The following TNRC6C variants were observed in gnomAD, a reference collection of about 807,000 sequenced individuals.
The protein encoded by TNRC6C is trinucleotide repeat-containing gene 6C protein.
Under a neutral mutation model 153.7 loss-of-function variants are expected in TNRC6C, and 20 were observed. That is an observed-to-expected ratio of 0.13 (90% CI 0.09 to 0.19). TNRC6C has a LOEUF of 0.19. TNRC6C is among the 10% of genes least tolerant of loss of function. The pLI is 1.00. For synonymous variants in TNRC6C, 811 were observed against 841.4 expected, an observed-to-expected ratio of 0.96 and a Z score of 0.63; for missense variants, 1,987 against 2,172.0, an observed-to-expected ratio of 0.91 and a Z score of 1.69.
At chr17:78,064,781 G>A (rs778687507) in exon 4 of TNRC6C, 2 of 1,613,846 alleles carry the variant, frequency 1.2e-6, no homozygotes, top group South Asian at 1.1e-5. Flanking sequence ...CTCTTGGGGA[G>A]AACCATCCTC....
intron 1 of TNRC6C, among the ~76,000 whole-genome samples, chr17:78,018,384 C>T (rs2071769660): frequency 6.6e-6 from 1 of 152,210 alleles, no homozygotes; most frequent in Non-Finnish European, 1.5e-5. Context: ...CCGCCTCGGC[C>T]TCCCAAAGTG....
chr17:77,975,015 A>AT (rs1417968853), intron 1 of TNRC6C, among the ~76,000 whole-genome samples: 1 of 109,484 alleles, frequency 9.1e-6, no homozygotes, highest in Non-Finnish European at 1.7e-5. Flanking sequence ...AATCAAAGAA[A>AT]GAAATAAGCC....
intron 1 of TNRC6C, among the ~76,000 whole-genome samples, chr17:78,010,471 T>C (rs2071606908): frequency 6.6e-6 from 1 of 152,200 alleles, no homozygotes; most frequent in Non-Finnish European, 1.5e-5. Context: ...ATAGCATATC[T>C]TCCCAATTTT....
intron 3 of TNRC6C, among the ~76,000 whole-genome samples, chr17:78,053,818 G>T (rs867888753): frequency 6.6e-6 from 1 of 152,068 alleles, no homozygotes; most frequent in Non-Finnish European, 1.5e-5. Flanking sequence ...GATGGCTTGA[G>T]CCCAGGAGTT....
At chr17:78,048,153 AT>A (rs61356080) in intron 2 of TNRC6C, among the ~76,000 whole-genome samples, 15,753 of 147,556 alleles carry the variant, frequency 0.11, 1,837 homozygotes, top group African/African-American at 0.3. Flanking sequence ...TGAGCTACAG[AT>A]TTTTTTTTTT....
At chr17:78,070,675 C>G (rs373876825) in intron 5 of TNRC6C, among the ~76,000 whole-genome samples, 2 of 152,012 alleles carry the variant, frequency 1.3e-5, no homozygotes, top group South Asian at 4.2e-4. Context: ...TGGAATAAAC[C>G]CCCTCATTTT....
chr17:78,068,265 C>T (rs986363180), intron 5 of TNRC6C, among the ~76,000 whole-genome samples: 3 of 152,308 alleles, frequency 2.0e-5, no homozygotes, highest in South Asian at 2.1e-4. Context: ...ACAGTGCCAC[C>T]CTTCTCATGA....
chr17:78,067,361 CA>C (rs1024897254), intron 4 of TNRC6C, among the ~76,000 whole-genome samples: 23 of 152,046 alleles, frequency 1.5e-4, no homozygotes, highest in Non-Finnish European at 2.8e-4. Flanking sequence ...AAAAAACCTA[CA>C]AATTTTAAAA....
chr17:78,044,658 C>G (rs936500543), intron 2 of TNRC6C, among the ~76,000 whole-genome samples: 1 of 152,322 alleles, frequency 6.6e-6, no homozygotes, highest in East Asian at 1.9e-4. Flanking sequence ...CACATCTGGC[C>G]CATCACCTAT....
intron 1 of TNRC6C, among the ~76,000 whole-genome samples, chr17:78,025,176 A>G (rs549543243): frequency 2.1e-4 from 32 of 152,274 alleles, no homozygotes; most frequent in African/African-American, 7.2e-4. Flanking sequence ...CATGCACAGT[A>G]TTGTGTATCT....
chr17:77,959,803 C>T (rs972084803), intron 1 of TNRC6C, among the ~76,000 whole-genome samples: 9 of 152,136 alleles, frequency 5.9e-5, no homozygotes, highest in African/African-American at 2.2e-4. Flanking sequence ...GAAAACGAGC[C>T]GTACAACATC....
chr17:78,066,235 A>AG (rs2072875243), intron 4 of TNRC6C: 1 of 152,132 alleles, frequency 6.6e-6, no homozygotes, highest in Non-Finnish European at 1.5e-5. Context: ...TCAAAAAAAA[A>AG]AAAAAAAATT....
chr17:78,078,003 A>T (rs1256568016), intron 9 of TNRC6C, among the ~76,000 whole-genome samples: 1 of 152,112 alleles, frequency 6.6e-6, no homozygotes, highest in Admixed American at 6.5e-5. Flanking sequence ...TTTCTTAGGG[A>T]TGAGGTTGAC....
chr17:78,097,144 G>T (rs2073501992), intron 16 of TNRC6C, among the ~76,000 whole-genome samples: 1 of 152,194 alleles, frequency 6.6e-6, no homozygotes, highest in Admixed American at 6.5e-5. Context: ...AGCCCAGGAG[G>T]TTGAGGCTGC....
intron 1 of TNRC6C, among the ~76,000 whole-genome samples, chr17:78,010,011 G>A (rs966796839): frequency 3.9e-5 from 6 of 152,030 alleles, no homozygotes; most frequent in African/African-American, 1.4e-4. Flanking sequence ...AGCCTCCCAA[G>A]TAGCTGACTA....
At chr17:78,003,040 T>C (rs1254083112), upstream of TNRC6C, among the ~76,000 whole-genome samples, 1 of 152,158 alleles carries the variant, frequency 6.6e-6, no homozygotes, top group Admixed American at 6.5e-5. Context: ...TGCGGGATAG[T>C]GGCATCTAAA....
At chr17:78,059,229 C>T (rs553896997) in intron 3 of TNRC6C, among the ~76,000 whole-genome samples, 1 of 152,310 alleles carries the variant, frequency 6.6e-6, no homozygotes, top group African/African-American at 2.4e-5. Flanking sequence ...TCCCATTGAC[C>T]TCTGCAGCCA....
rs747002962 is a variant in TNRC6C at position 78,093,742 on chromosome 17, C to T, written c.4285C>T (p.Arg1429Cys). 6 of 1,613,806 alleles carry T rather than the reference C, an allele frequency of 3.7e-6. No homozygotes were observed. Among genetic ancestry groups the T allele is most frequent in the East Asian group, 2.2e-5 (1 of 44,894 alleles). The change falls in exon 16 of 20, where the codon CGC becomes TGC. Residue 1429 changes from arginine (R) to cysteine (C), a missense_variant. Physicochemically the swap from Arg to Cys is radical, Grantham distance 180 (BLOSUM62 -3). Transcript: ENST00000301624. Reference sequence around the variant, plus strand: ...CAACACCACCATCCAGGATGTCAACCGCTACCTCCTCAAGAGTGGAGGTGA... The same window carrying T: ...CAACACCACCATCCAGGATGTCAACTGCTACCTCCTCAAGAGTGGAGGTGA...
chr17:78,026,226 T>C (rs538718896), intron 1 of TNRC6C, among the ~76,000 whole-genome samples: 1 of 152,354 alleles, frequency 6.6e-6, no homozygotes, highest in African/African-American at 2.4e-5. Context: ...TATGCTGCCA[T>C]AATTTACAGC....
Sources: allele counts gnomAD v4.1 joint callset (sites outside exome capture counted in the v4.1 genomes callset), GRCh38; gene constraint gnomAD v4.1.1; transcripts MANE v1.5; gene names NCBI Gene and HGNC (gene_info 2026-07-23, HGNC 2026-07-21).